PDE2A: variants seen among roughly 807,000 people sequenced by gnomAD.
PDE2A encodes phosphodiesterase 2A.
Under a neutral mutation model 133.6 loss-of-function variants are expected in PDE2A, and 53 were observed. The observed-to-expected ratio is 0.40, with a 90% CI of 0.32 to 0.50. PDE2A has a LOEUF of 0.50. Ranked by LOEUF, PDE2A falls within the 20% of genes least tolerant of loss-of-function variation. PDE2A has a pLI of 0.73. For synonymous variants in PDE2A, 491 were observed against 490.2 expected (o/e 1.00, Z -0.02); for missense variants, 796 against 1,232.4 (o/e 0.65, Z 5.30).
At chr11:72,580,109 T>C (rs1855654867) in intron 25 of PDE2A, among the ~76,000 whole-genome samples, 1 of 151,582 alleles carries the variant, frequency 6.6e-6, no homozygotes, top group Non-Finnish European at 1.5e-5. Context: ...TCTCTGGGGG[T>C]GTGCAAGCAG....
At chr11:72,631,222 C>G in intron 2 of PDE2A, 1 of 1,139,686 alleles carries the variant, frequency 8.8e-7, no homozygotes, top group East Asian at 2.8e-5. Context: ...TAGCCCCCAG[C>G]AAGCCCACGG....
chr11:72,664,963 C>T lies in PDE2A; in HGVS notation c.71+9174G>A, dbSNP rs182326436. 2.4e-3 allele frequency among the ~76,000 whole-genome samples: 360 copies of T among 152,216 alleles called. 7 individuals are homozygous for T. Among genetic ancestry groups the T allele is most frequent in the Admixed American group, 0.022 (337 of 15,290 alleles). ...CTGGGATTACAGGCATCCACCACCA[C>T]GCCCAGCTAATTCTGTATTTTTAGT... is the stretch of plus-strand genomic sequence containing the variant. On this transcript the variant is annotated intron_variant, in intron 1 of 30. Transcript: ENST00000334456.
At chr11:72,620,836 C>T (rs1276423341) in intron 2 of PDE2A, among the ~76,000 whole-genome samples, 4 of 151,390 alleles carry the variant, frequency 2.6e-5, no homozygotes, top group Middle Eastern at 6.8e-3. Context: ...GAGGGGGTAT[C>T]GCTGACAACA....
At chr11:72,600,181 G>A (rs1856676981) in intron 4 of PDE2A, among the ~76,000 whole-genome samples, 2 of 152,148 alleles carry the variant, frequency 1.3e-5, no homozygotes, top group African/African-American at 4.8e-5. Context: ...GCCCTGGGAG[G>A]GATTTGAGCA....
At chr11:72,668,823 C>T (rs180837069) in intron 1 of PDE2A, among the ~76,000 whole-genome samples, 4 of 152,334 alleles carry the variant, frequency 2.6e-5, no homozygotes, top group South Asian at 2.1e-4. Flanking sequence ...TGAGAAACCT[C>T]GGTCCCTCCC....
In PDE2A at chr11:72,578,632, G is replaced by A. The variant is rs1855571500; in HGVS notation, c.2470-118C>T. On this transcript the variant is annotated intron_variant, in intron 28 of 30. Transcript: ENST00000334456. The surrounding 1 kb of genome is among the most constrained non-coding windows in gnomAD (Gnocchi z 4.2). ...CCAGGGATTCAGTCCCAGCTCAGGA[G>A]CCGTCCCCACCAGCCCCAGCTTGGC... 2 of 926,562 alleles carry A rather than the reference G, an allele frequency of 2.2e-6. No individual in the cohort carries two copies. Among genetic ancestry groups the A allele is most frequent in the Non-Finnish European group, 3.4e-6 (2 of 580,142 alleles). The allele number at this position is 926,562 out of a possible 1,614,324, so 57.4% of individuals were successfully genotyped here.
chr11:72,637,074 T>G (rs1858732908), intron 2 of PDE2A, among the ~76,000 whole-genome samples: 1 of 138,264 alleles, frequency 7.2e-6, no homozygotes, highest in African/African-American at 3.5e-5. Context: ...ACCTTCACAG[T>G]AACCATTCTC....
chr11:72,628,518 G>A (rs544277098), intron 2 of PDE2A, among the ~76,000 whole-genome samples: 1 of 152,132 alleles, frequency 6.6e-6, no homozygotes, highest in Non-Finnish European at 1.5e-5. Flanking sequence ...TTTTAGTAGA[G>A]ACAGGTTTCA....
At chr11:72,617,256 G>C (rs1322458261) in intron 2 of PDE2A, among the ~76,000 whole-genome samples, 2 of 152,230 alleles carry the variant, frequency 1.3e-5, no homozygotes, top group Non-Finnish European at 2.9e-5. Context: ...GCCTGGCCTA[G>C]GGTTAGTGTG....
At chr11:72,615,902 T>G (rs1319926228) in intron 2 of PDE2A, among the ~76,000 whole-genome samples, 1 of 152,082 alleles carries the variant, frequency 6.6e-6, no homozygotes, top group Non-Finnish European at 1.5e-5. Flanking sequence ...CCCAAGGGTG[T>G]GCAAGCAAGG....
chr11:72,589,640 T>C (rs934733007), intron 11 of PDE2A, 111 bp downstream of exon 11: 1 of 903,138 alleles, frequency 1.1e-6, no homozygotes, highest in African/African-American at 1.7e-5. Context: ...GATAATTCCA[T>C]CGGATTCCAA....
At chr11:72,655,716 C>T (rs1854880457) in intron 1 of PDE2A, among the ~76,000 whole-genome samples, 2 of 152,144 alleles carry the variant, frequency 1.3e-5, no homozygotes, top group Non-Finnish European at 1.5e-5. Context: ...ATACATATGG[C>T]TCTGCAACAA....
intron 2 of PDE2A, among the ~76,000 whole-genome samples, chr11:72,614,448 G>A (rs921327036): frequency 1.3e-5 from 2 of 152,108 alleles, no homozygotes; most frequent in Non-Finnish European, 2.9e-5. Context: ...GGGAGGGGAA[G>A]GTACCTTTCC....
Position 72,584,189 on chromosome 11 carries a change from C to T in PDE2A, c.1650+12G>A. ...CTATCACCCCACACCCCACTCCCAA[C>T]CCCGCCCTCACATGGGCGATGCTGA... On this transcript the variant is annotated intron_variant, in intron 19 of 30. Coordinates refer to ENST00000334456, the MANE Select transcript of PDE2A (RefSeq NM_002599.5). 1.9e-6 allele frequency: 2 copies of T among 1,079,294 alleles called. No homozygotes were observed. Among genetic ancestry groups the T allele is most frequent in the Non-Finnish European group, 2.7e-6 (2 of 727,970 alleles). The allele number at this position is 1,079,294 out of a possible 1,614,324, so 66.9% of individuals were successfully genotyped here. A position where few individuals can be genotyped will look rare whatever the true frequency, so the allele number is the denominator to read the frequency against.
intron 1 of PDE2A, among the ~76,000 whole-genome samples, chr11:72,666,108 G>A (rs1855226738): frequency 6.6e-6 from 1 of 152,120 alleles, no homozygotes; most frequent in Admixed American, 6.5e-5. Context: ...TTCAAAGGCA[G>A]CCTCTGAGGC....
chr11:72,651,871 G>A (rs1854750854), intron 1 of PDE2A, among the ~76,000 whole-genome samples: 1 of 152,280 alleles, frequency 6.6e-6, no homozygotes, highest in East Asian at 1.9e-4. Flanking sequence ...CTTCCCTGGT[G>A]GCCTGAAGTC....
intron 2 of PDE2A, 24 bp from the exon 3 acceptor site, chr11:72,608,775 A>G (rs774818695): frequency 7.2e-7 from 1 of 1,390,300 alleles, no homozygotes; most frequent in South Asian, 1.2e-5. Context: ...GAGGGCAGTG[A>G]GAGGCTTTGC....
At chr11:72,629,490 G>T (rs187786844) in intron 2 of PDE2A, among the ~76,000 whole-genome samples, 8 of 152,330 alleles carry the variant, frequency 5.3e-5, no homozygotes, top group Non-Finnish European at 1.0e-4. Flanking sequence ...TCCCAGCTCT[G>T]GGGGGAGCCC....
intron 4 of PDE2A, among the ~76,000 whole-genome samples, chr11:72,604,554 A>G (rs1200926334): frequency 6.6e-6 from 1 of 152,250 alleles, no homozygotes; most frequent in Non-Finnish European, 1.5e-5. Flanking sequence ...TCCTCCCCAC[A>G]ATCCTATAAG....
Sources: allele counts gnomAD v4.1 joint callset (sites outside exome capture counted in the v4.1 genomes callset), GRCh38; gene constraint gnomAD v4.1.1; non-coding constraint Gnocchi (gnomAD v3.1); transcripts MANE v1.5; gene names NCBI Gene and HGNC (gene_info 2026-07-23, HGNC 2026-07-21).